CD163: variants seen among roughly 807,000 people sequenced by gnomAD.
CD163 encodes the protein scavenger receptor cysteine-rich type 1 protein M130.
In CD163, 64 loss-of-function variants were observed where a neutral mutation model predicts 129.2. The ratio of observed to expected loss-of-function variants is 0.50; its 90% CI spans 0.41 to 0.61. CD163 has a LOEUF of 0.61. Ranked by LOEUF, CD163 falls within the 20% of genes least tolerant of loss-of-function variation. The probability of loss-of-function intolerance (pLI) is 0.00; values close to 1 mark genes in which losing one functional copy is unlikely to be tolerated. For synonymous variants in CD163, 446 were observed against 478.5 expected, an observed-to-expected ratio of 0.93 and a Z score of 0.89; for missense variants, 1,061 against 1,377.9, an observed-to-expected ratio of 0.77 and a Z score of 3.64.
chr12:7,485,516 A>G lies in CD163; in HGVS notation c.2459-100T>C. ...TAAGAATGGCTTTAAAAATAGGTAC[A>G]ATAGTACAATATGTCAGTTACTAAT... is the stretch of plus-strand genomic sequence containing the variant. On this transcript the variant is annotated intron_variant, in intron 10 of 16. Coordinates refer to ENST00000432237, the MANE Select transcript of CD163 (RefSeq NM_203416.4). This position sits in a 1 kb window ranked among gnomAD's most constrained non-coding sequence, Gnocchi z 4.5. 1 of 767,852 alleles carries G rather than the reference A, an allele frequency of 1.3e-6. No homozygotes were observed. 47.6% of individuals were successfully genotyped at this position (767,852 alleles called of 1,614,324 possible). A position where few individuals can be genotyped will look rare whatever the true frequency, so the allele number is the denominator to read the frequency against.
Position 7,502,533 on chromosome 12 carries a change from G to T in CD163, c.78C>A (p.Pro26=). Residue 26 remains proline (P), a synonymous_variant, in exon 2 of 17, where the codon CCC becomes CCA. Coordinates refer to ENST00000432237, the MANE Select transcript of CD163 (RefSeq NM_203416.4). ...GAAGTAAGACCACAGTAATGGTGAA[G>T]GGACTCAAGTTGACAAAATGTCTTC... ...DFRRHFVNLS[P]FTITVVLLLS... The T allele has an allele frequency of 6.3e-7, 1 of 1,599,776 alleles. No homozygotes were observed. The highest frequency in any genetic ancestry group is 2.3e-5 in the East Asian group (1 of 44,364).
chr12:7,474,413 T>C (rs1052135860), intron 16 of CD163, among the ~76,000 whole-genome samples: 6 of 152,126 alleles, frequency 3.9e-5, no homozygotes, highest in Non-Finnish European at 5.9e-5. Flanking sequence ...GAACTCAAGA[T>C]TAAGAAACTC....
At chr12:7,494,426 G>C (rs1366285032) in intron 6 of CD163, among the ~76,000 whole-genome samples, 1 of 152,132 alleles carries the variant, frequency 6.6e-6, no homozygotes, top group Non-Finnish European at 1.5e-5. Context: ...GTTGGTTAGA[G>C]GACATGCAGC....
At chr12:7,503,195 C>T (rs776631416) in intron 1 of CD163, among the ~76,000 whole-genome samples, 1 of 152,276 alleles carries the variant, frequency 6.6e-6, no homozygotes, top group South Asian at 2.1e-4. Context: ...TGTTATTACT[C>T]TCATATCTTC....
In CD163 at chr12:7,486,453, T is replaced by C. The variant is rs763437805; in HGVS notation, c.2458+46A>G. 1.2e-5 allele frequency: 18 copies of C among 1,542,856 alleles called. 1 individual carries two copies. The East Asian group carries it at 3.6e-4, about 31-fold the overall frequency. On this transcript the variant is annotated intron_variant, in intron 10 of 16. Transcript: ENST00000432237. ...AATACCCCTCACTACCCTTCCTCAG[T>C]CCTTTCTCTATGTAATTATGACCAA...
chr12:7,491,477 T>A (rs987662116), intron 6 of CD163, among the ~76,000 whole-genome samples: 1 of 152,050 alleles, frequency 6.6e-6, no homozygotes, highest in African/African-American at 2.4e-5. Flanking sequence ...ATTAAGTAAA[T>A]TTTTGCACCT....
chr12:7,502,488 G>A lies in CD163; in HGVS notation c.123C>T (p.Thr41=), dbSNP rs769294403. The A allele has an allele frequency of 2.5e-6, 4 of 1,592,622 alleles. No homozygotes were observed. The South Asian group carries it at 4.4e-5, about 18-fold the overall frequency. ...TGACAAAGTACTCACCAAGAGAACT[G>A]GTGACAAAACAGGCACTGAGAAGTA... ...VVLLLSACFV[T]SSLGGTDKEL... is the part of the protein sequence containing the mutation. Residue 41 remains threonine, a synonymous_variant, in exon 2 of 17, where the codon ACC becomes ACT. Transcript: ENST00000432237.
intron 3 of CD163, among the ~76,000 whole-genome samples, 180 bp downstream of exon 3, chr12:7,500,959 A>AT (rs1163706825): frequency 6.6e-6 from 1 of 151,858 alleles, no homozygotes; most frequent in Non-Finnish European, 1.5e-5. Flanking sequence ...AGTGTTCAGA[A>AT]TTTTTTTTAT....
chr12:7,476,366 A>G (rs1387064993), intron 16 of CD163, among the ~76,000 whole-genome samples: 3 of 152,190 alleles, frequency 2.0e-5, no homozygotes, highest in Non-Finnish European at 1.5e-5. Flanking sequence ...TCAAAACAGC[A>G]TGGTACTGGT....
Position 7,487,057 on chromosome 12 carries a change from A to T in CD163, c.2051-71T>A. ...GGGAGTCAGATGAAATGTTATATGG[A>T]TGAGTTGAGGACAAACATAGCTTAG... On this transcript the variant is annotated intron_variant, in intron 8 of 16. Coordinates refer to ENST00000432237, the MANE Select transcript of CD163 (RefSeq NM_203416.4). The surrounding 1 kb of genome is among the most constrained non-coding windows in gnomAD (Gnocchi z 5.1). 8.4e-7 allele frequency: 1 copy of T among 1,195,240 alleles called. No homozygotes were observed. The highest frequency in any genetic ancestry group is 1.2e-6 in the Non-Finnish European group (1 of 814,248). The allele number at this position is 1,195,240 out of a possible 1,614,324, so 74.0% of individuals were successfully genotyped here.
At chr12:7,474,068 A>G (rs1949049464) in intron 16 of CD163, among the ~76,000 whole-genome samples, 1 of 152,192 alleles carries the variant, frequency 6.6e-6, no homozygotes, top group South Asian at 2.1e-4. Context: ...AGGAGCACCC[A>G]GATTCATAAA....
intron 16 of CD163, among the ~76,000 whole-genome samples, chr12:7,477,506 T>C (rs944681657): frequency 2.0e-5 from 3 of 152,122 alleles, no homozygotes; most frequent in African/African-American, 7.2e-5. Flanking sequence ...AAACACCGCA[T>C]GTTCTCACTC....
Position 7,496,869 on chromosome 12 carries a change from T to A in CD163, c.1043A>T (p.His348Leu). 6.2e-7 allele frequency: 1 copy of A among 1,614,160 alleles called. No individual in the cohort carries two copies. Among genetic ancestry groups the A allele is most frequent in the Non-Finnish European group, 8.5e-7 (1 of 1,179,988 alleles). ...HEPAIWQCKH[H>L]EWGKHYCNHN... ...ATTGCAATAATGCTTTCCCCATTCA[T>A]GGTGTTTACATTGCCAGATAGCAGG... The change falls in exon 5 of 17, where the codon CAT becomes CTT. Residue 348 changes from histidine (H) to leucine (L), a missense_variant. Transcript: ENST00000432237. This position sits in a 1 kb window ranked among gnomAD's most constrained non-coding sequence, Gnocchi z 4.8.
In CD163 at chr12:7,483,690, AC is replaced by A. The variant is rs760675429; in HGVS notation, c.2780-16del. 13 of 1,581,926 alleles carry A rather than the reference AC, an allele frequency of 8.2e-6. No individual in the cohort carries two copies. In the East Asian group the frequency reaches 2.9e-4, roughly 36 times the overall value. On this transcript the variant is annotated splice_polypyrimidine_tract_variant and intron_variant, in intron 11 of 16. Transcript: ENST00000432237. ...TCTTATCTTGTCTGAAAAATCAGAG[AC>A]ATGTAGCCTATTTCTAAGACTTCTA...
At position 7,485,043 on chromosome 12, in the gene CD163, G is replaced by T. The variant is rs1046713117; in HGVS notation, c.2779+53C>A. Reference sequence around the variant, plus strand: ...TAAAATCCAGTGTCCATTATCAGAAGATGATAGCGGGGCTGCAGAATGGAA... The same window carrying T: ...TAAAATCCAGTGTCCATTATCAGAATATGATAGCGGGGCTGCAGAATGGAA... On this transcript the variant is annotated intron_variant, in intron 11 of 16. Coordinates refer to ENST00000432237, the MANE Select transcript of CD163 (RefSeq NM_203416.4). This position sits in a 1 kb window ranked among gnomAD's most constrained non-coding sequence, Gnocchi z 4.5. 45 of 1,429,592 alleles carry T rather than the reference G, an allele frequency of 3.1e-5. 1 individual carries two copies. Among genetic ancestry groups the T allele is most frequent in the East Asian group, 1.8e-4 (8 of 43,578 alleles). The allele number at this position is 1,429,592 out of a possible 1,614,324, so 88.6% of individuals were successfully genotyped here.
intron 2 of CD163, 22 bp downstream of exon 2, chr12:7,502,456 G>A (rs918056519): frequency 2.0e-6 from 3 of 1,480,138 alleles, no homozygotes; most frequent in South Asian, 1.1e-5. Context: ...AAGGCTGTAA[G>A]TAAATTTGAC....
intron 14 of CD163, among the ~76,000 whole-genome samples, chr12:7,481,794 G>A (rs1949165850): frequency 6.6e-6 from 1 of 152,190 alleles, no homozygotes; most frequent in Non-Finnish European, 1.5e-5. Context: ...CTCTTCTTCA[G>A]ACTTAGCAGC....
chr12:7,489,130 G>A (rs1009927636), intron 6 of CD163, among the ~76,000 whole-genome samples: 1 of 152,112 alleles, frequency 6.6e-6, no homozygotes, highest in Non-Finnish European at 1.5e-5. Flanking sequence ...ATTAGTAAGA[G>A]AACAGAATTT....
intron 11 of CD163, 36 bp from the exon 12 acceptor site, chr12:7,483,711 C>A: frequency 6.9e-7 from 1 of 1,458,934 alleles, no homozygotes; most frequent in Non-Finnish European, 9.2e-7. Context: ...ATTTCTAAGA[C>A]TTCTAAAAGT....
Sources: allele counts gnomAD v4.1 joint callset (sites outside exome capture counted in the v4.1 genomes callset), GRCh38; gene constraint gnomAD v4.1.1; non-coding constraint Gnocchi (gnomAD v3.1); transcripts MANE v1.5; gene names NCBI Gene and HGNC (gene_info 2026-07-23, HGNC 2026-07-21).